Variants in CYFIP1 observed in about 807,000 individuals in gnomAD.
CYFIP1 encodes the protein cytoplasmic FMR1-interacting protein 1.
In CYFIP1, 58 loss-of-function variants were observed where a neutral mutation model predicts 163.5. The ratio of observed to expected loss-of-function variants is 0.35; its 90% CI spans 0.29 to 0.44. The LOEUF (loss-of-function observed/expected upper bound fraction) is 0.44. Ranked by LOEUF, CYFIP1 falls within the 20% of genes least tolerant of loss-of-function variation. The pLI, the probability that CYFIP1 is intolerant of heterozygous loss-of-function variation, is 1.00. For synonymous variants in CYFIP1, 663 were observed against 660.7 expected (o/e 1.00, Z -0.05); for missense variants, 1,338 against 1,653.8 (o/e 0.81, Z 3.31).
rs2142226648 is a variant in CYFIP1 at position 22,932,349 on chromosome 15, A to T, written c.993-9T>A. The T allele has an allele frequency of 6.3e-7, 1 of 1,583,910 alleles. No individual in the cohort carries two copies. Among genetic ancestry groups the T allele is most frequent in the Non-Finnish European group, 8.6e-7 (1 of 1,165,102 alleles). ...AGGATGTGCACGTCCATCTGTGCAGAGAGAAAGCACCCGCGTTACCTGCGG... is the reference window on the plus strand; with the variant it reads ...AGGATGTGCACGTCCATCTGTGCAGTGAGAAAGCACCCGCGTTACCTGCGG... On this transcript the variant is annotated splice_polypyrimidine_tract_variant and intron_variant, in intron 10 of 30. Transcript: ENST00000617928.
chr15:22,978,484 CATT>C (rs1248349624), intron 1 of CYFIP1, among the ~76,000 whole-genome samples: 2 of 148,726 alleles, frequency 1.3e-5, no homozygotes, highest in African/African-American at 2.5e-5. Context: ...AACCAAACAT[CATT>C]AAGTGAAAAA....
chr15:22,930,713 AT>A (rs1269664712), intron 11 of CYFIP1, among the ~76,000 whole-genome samples: 1 of 152,170 alleles, frequency 6.6e-6, no homozygotes, highest in Non-Finnish European at 1.5e-5. Flanking sequence ...AAGAAAAAAT[AT>A]TTTTGCACAG....
At chr15:22,913,495 T>C (rs750500249) in intron 17 of CYFIP1, among the ~76,000 whole-genome samples, 23 of 107,582 alleles carry the variant, frequency 2.1e-4, no homozygotes, top group Non-Finnish European at 3.5e-4. Context: ...GCCACTGCAC[T>C]CCAGCCTGGG....
intron 3 of CYFIP1, among the ~76,000 whole-genome samples, chr15:22,945,763 T>G (rs2062037543): frequency 6.7e-6 from 1 of 149,078 alleles, no homozygotes; most frequent in Non-Finnish European, 1.5e-5. Flanking sequence ...TTTTTTTTTT[T>G]GTAGAGACAG....
chr15:22,875,510 TG>T (rs2059557179), intron 26 of CYFIP1: 1 of 494,308 alleles, frequency 2.0e-6, no homozygotes, highest in Non-Finnish European at 3.7e-6. Flanking sequence ...CTTGAGGAAC[TG>T]AATTTTATTT....
chr15:22,966,178 G>A (rs562802197), intron 1 of CYFIP1, among the ~76,000 whole-genome samples: 56 of 150,110 alleles, frequency 3.7e-4, no homozygotes, highest in African/African-American at 1.3e-3. Flanking sequence ...GAGAAACCCC[G>A]TCTCTACTAA....
chr15:22,894,877 A>T lies in CYFIP1; in HGVS notation c.2589-1900T>A, dbSNP rs868462392. On this transcript the variant is annotated intron_variant, in intron 22 of 30. Transcript: ENST00000617928. Reference sequence around the variant, plus strand: ...TATTATATATTTTATATATATATATATTTTTTTTTTTTTTGTCACCCACAC... The same window carrying T: ...TATTATATATTTTATATATATATATTTTTTTTTTTTTTTTGTCACCCACAC... Among the ~76,000 whole-genome samples, 993 of 138,300 alleles carry T rather than the reference A, an allele frequency of 7.2e-3. 5 individuals are homozygous for T. Among genetic ancestry groups the T allele is most frequent in the East Asian group, 0.015 (72 of 4,734 alleles). The allele number at this position is 138,300 out of a possible 152,430, so 90.7% of individuals were successfully genotyped here. A position where few individuals can be genotyped will look rare whatever the true frequency, so the allele number is the denominator to read the frequency against.
At chr15:22,913,577 T>TAAA (rs2060863972) in intron 17 of CYFIP1, among the ~76,000 whole-genome samples, 1 of 84,148 alleles carries the variant, frequency 1.2e-5, no homozygotes. Context: ...AAGAAAAAAT[T>TAAA]ACACCAACGG....
At chr15:22,958,702 A>C (rs2062570229) in intron 1 of CYFIP1, among the ~76,000 whole-genome samples, 1 of 152,088 alleles carries the variant, frequency 6.6e-6, no homozygotes, top group Non-Finnish European at 1.5e-5. Context: ...AGGCACCGCC[A>C]AACCTGCACT....
chr15:22,887,485 AC>A (rs2059957265), intron 23 of CYFIP1, among the ~76,000 whole-genome samples: 1 of 152,234 alleles, frequency 6.6e-6, no homozygotes, highest in Admixed American at 6.5e-5. Flanking sequence ...AAAGAAGAAC[AC>A]GAAAGTCATC....
At chr15:22,966,280 G>A (rs1000218608) in intron 1 of CYFIP1, among the ~76,000 whole-genome samples, 1 of 151,860 alleles carries the variant, frequency 6.6e-6, no homozygotes, top group African/African-American at 2.4e-5. Flanking sequence ...GGCTGAGGCA[G>A]GAGAATCGCT....
chr15:22,932,255 T>C lies in CYFIP1; in HGVS notation c.1078A>G (p.Ile360Val). The change falls in exon 11 of 31, where the codon ATT (isoleucine) becomes GTT (valine). Residue 360 changes from isoleucine (I) to valine (V), a missense_variant. Ile to Val is a conservative substitution (Grantham distance 29, BLOSUM62 3). This residue lies in a region of CYFIP1 where 824 missense variants were observed against 995.7 expected (regional missense o/e 0.83). Coordinates refer to ENST00000617928, the MANE Select transcript of CYFIP1 (RefSeq NM_014608.6). The part of the protein sequence containing the change: ...IQIREDHMRF[I>V]SELARYSNSE... ...TTGCTGTAGCGCGCCAGCTCCGAAATGAAGCGCATGTGGTCCTCGCGGATC... is the reference window on the plus strand; with the variant it reads ...TTGCTGTAGCGCGCCAGCTCCGAAACGAAGCGCATGTGGTCCTCGCGGATC... 6.2e-7 allele frequency: 1 copy of C among 1,612,812 alleles called. No homozygotes were observed. The highest frequency in any genetic ancestry group is 8.5e-7 in the Non-Finnish European group (1 of 1,179,454).
chr15:22,872,211 C>T (rs2059451188), intron 30 of CYFIP1, among the ~76,000 whole-genome samples: 1 of 150,358 alleles, frequency 6.7e-6, no homozygotes, highest in Non-Finnish European at 1.5e-5. Flanking sequence ...AGGAGAATCA[C>T]TTGAACCTGG....
chr15:22,893,127 C>G, intron 22 of CYFIP1, 150 bp from the exon 23 acceptor site: 1 of 633,724 alleles, frequency 1.6e-6, no homozygotes, highest in South Asian at 2.0e-5. Context: ...AATCGAAAAC[C>G]ATAGAACGAA....
At chr15:22,897,656 G>C (rs538684409) in intron 22 of CYFIP1, among the ~76,000 whole-genome samples, 4 of 152,074 alleles carry the variant, frequency 2.6e-5, no homozygotes, top group Admixed American at 2.6e-4. Flanking sequence ...GCTAATTTTT[G>C]TATTTTTAGT....
chr15:22,882,823 G>C (rs771321536), intron 24 of CYFIP1, 45 bp downstream of exon 24: 25 of 1,587,906 alleles, frequency 1.6e-5, no homozygotes, highest in Non-Finnish European at 2.2e-5. Flanking sequence ...GGGTGCCCCA[G>C]GGAATCCAGG....
chr15:22,870,153 T>A lies in CYFIP1; in HGVS notation c.3637A>T (p.Ile1213Phe). Residue 1213 changes from isoleucine (I) to phenylalanine (F), a missense_variant, in exon 31 of 31, where the codon ATT (isoleucine) becomes TTT (phenylalanine). Ile to Phe is a conservative substitution (Grantham distance 21). Coordinates refer to ENST00000617928, the MANE Select transcript of CYFIP1 (RefSeq NM_014608.6). ...KMVERIRKFQ[I>F]LNDEIITILD... ...ATGGTGATGATCTCATCATTGAGAA[T>A]CTGGAACTTGCGAATTCTCTCCACC... 1 of 1,612,122 alleles carries A rather than the reference T, an allele frequency of 6.2e-7. No individual in the cohort carries two copies.
chr15:22,947,370 G>T, intron 1 of CYFIP1, 79 bp from the exon 2 acceptor site: 1 of 1,565,000 alleles, frequency 6.4e-7, no homozygotes, highest in Non-Finnish European at 8.7e-7. Context: ...GGGTACCCAG[G>T]CCTCTAACCC....
intron 13 of CYFIP1, among the ~76,000 whole-genome samples, chr15:22,925,158 G>C (rs1331140617): frequency 6.6e-6 from 1 of 151,842 alleles, no homozygotes; most frequent in Non-Finnish European, 1.5e-5. Context: ...CAATTCTCCT[G>C]TCATGATCCA....
Sources: gnomAD v4.1 joint callset for allele counts (sites outside exome capture counted in the v4.1 genomes callset) on GRCh38, gnomAD v4.1.1 for gene constraint, gnomAD v4.1.1 regional missense constraint, MANE v1.5 for transcripts, NCBI Gene and HGNC (gene_info 2026-07-23, HGNC 2026-07-21) for gene names.